The following KIAA2012 variants were observed in gnomAD, a reference collection of about 807,000 sequenced individuals.
KIAA2012 encodes the protein uncharacterized protein KIAA2012.
Under a neutral mutation model 150.6 loss-of-function variants are expected in KIAA2012, and 125 were observed. The observed-to-expected ratio is 0.83, with a 90% confidence interval of 0.72 to 0.96. The LOEUF (loss-of-function observed/expected upper bound fraction) is 0.96, where lower values mean the gene tolerates loss of function less well. Ranked by LOEUF, KIAA2012 falls within the 40% of genes least tolerant of loss-of-function variation. The pLI, the probability that KIAA2012 is intolerant of heterozygous loss-of-function variation, is 0.00. For missense variants in KIAA2012, 1,219 were observed against 1,354.9 expected, an observed-to-expected ratio of 0.90 and a Z score of 1.57; for synonymous variants, 462 against 504.7, an observed-to-expected ratio of 0.92 and a Z score of 1.13.
chr2:202,137,277 A>G (rs1245038074), intron 12 of KIAA2012: 1 of 150,892 alleles, frequency 6.6e-6, no homozygotes, highest in Admixed American at 6.6e-5. Flanking sequence ...AGCTAAATCT[A>G]TTCCTCAAAT....
At chr2:202,091,440 C>T (rs374268360) in intron 3 of KIAA2012, among the ~76,000 whole-genome samples, 3 of 152,168 alleles carry the variant, frequency 2.0e-5, no homozygotes, top group Admixed American at 6.5e-5. Flanking sequence ...AATGTTACGA[C>T]TCTTCCTCTT....
At chr2:202,092,281 C>T (rs943618255) in intron 3 of KIAA2012, among the ~76,000 whole-genome samples, 5 of 152,186 alleles carry the variant, frequency 3.3e-5, no homozygotes, top group African/African-American at 1.2e-4. Flanking sequence ...CTGGTGTAAG[C>T]CCATCAGTCC....
intron 2 of KIAA2012, among the ~76,000 whole-genome samples, chr2:202,077,609 A>G (rs1689354831): frequency 6.6e-6 from 1 of 152,194 alleles, no homozygotes; most frequent in Non-Finnish European, 1.5e-5. Flanking sequence ...ACAGGGCTGG[A>G]GTTTAAGATT....
At chr2:202,199,418 G>A (rs1254543914) in intron 22 of KIAA2012, among the ~76,000 whole-genome samples, 1 of 152,008 alleles carries the variant, frequency 6.6e-6, no homozygotes, top group African/African-American at 2.4e-5. Flanking sequence ...GTACAGCCAC[G>A]GGCCACCATG....
intron 20 of KIAA2012, among the ~76,000 whole-genome samples, chr2:202,193,963 G>C (rs1485388511): frequency 6.6e-6 from 1 of 152,226 alleles, no homozygotes; most frequent in East Asian, 1.9e-4. Context: ...CCCTGCTGCA[G>C]AGCACAGAGC....
intron 21 of KIAA2012, among the ~76,000 whole-genome samples, chr2:202,196,158 A>C (rs1692408260): frequency 6.8e-6 from 1 of 146,872 alleles, no homozygotes; most frequent in African/African-American, 2.5e-5. Flanking sequence ...CCAGCTGAGG[A>C]AGCACCAAGT....
At position 202,154,796 on chromosome 2, in the gene KIAA2012, A is replaced by T; in HGVS notation, c.2032A>T (p.Thr678Ser). 2 of 1,546,988 alleles carry T rather than the reference A, an allele frequency of 1.3e-6. No homozygotes were observed. Among genetic ancestry groups the T allele is most frequent in the Non-Finnish European group, 1.7e-6 (2 of 1,146,158 alleles). ...CACGCGCAAGCTGCACATCGACATG[A>T]CGCCGTTCCTGAAGGTGATCTCACA... ...FYTRKLHIDM[T>S]PFLKESGNAL... Residue 678 changes from threonine (T) to serine (S), a missense_variant, in exon 14 of 24, where the codon ACG becomes TCG. Transcript: ENST00000498697.
intron 18 of KIAA2012, among the ~76,000 whole-genome samples, chr2:202,189,157 A>T (rs532351046): frequency 1.3e-5 from 2 of 152,154 alleles, no homozygotes; most frequent in Non-Finnish European, 2.9e-5. Flanking sequence ...GGGTCCTTAG[A>T]GTACGGAAGG....
intron 11 of KIAA2012, among the ~76,000 whole-genome samples, chr2:202,120,874 T>C (rs1469413731): frequency 1.3e-5 from 2 of 152,198 alleles, no homozygotes. Context: ...ATAAAAGGAA[T>C]AATGGAAGAA....
Position 202,100,399 on chromosome 2 carries a change from T to C in KIAA2012, c.1105T>C (p.Ser369Pro). Residue 369 changes from serine to proline, a missense_variant, in exon 7 of 24, where the codon TCT becomes CCT. Transcript: ENST00000498697. The stretch of plus-strand genomic sequence containing the variant: ...AAGAAGCCTCTTCCCTCCTGTAGCA[T>C]CTGCCACTGGCTCCAGAATAATCAC... ...AERSLFPPVA[S>P]ATGSRIITPG... 1 of 1,550,580 alleles carries C rather than the reference T, an allele frequency of 6.4e-7. No homozygotes were observed. The highest frequency in any genetic ancestry group is 1.2e-5 in the South Asian group (1 of 84,056).
chr2:202,174,267 G>C (rs77269621), intron 15 of KIAA2012, among the ~76,000 whole-genome samples: 7,168 of 152,196 alleles, frequency 0.047, 567 homozygotes, highest in African/African-American at 0.16. Context: ...GCCTGGCCAA[G>C]AAGCATTCTC....
At chr2:202,188,342 C>A in intron 18 of KIAA2012, 76 bp downstream of exon 18, 2 of 1,160,760 alleles carry the variant, frequency 1.7e-6, no homozygotes, top group Non-Finnish European at 2.5e-6. Flanking sequence ...GGATAATTAG[C>A]ATGGATCCTA....
intron 12 of KIAA2012, chr2:202,137,324 T>G (rs1385223884): frequency 6.6e-6 from 1 of 150,546 alleles, no homozygotes; most frequent in East Asian, 2.0e-4. Flanking sequence ...ACTTTTTTTT[T>G]TTTTTTTTTT....
At chr2:202,153,300 G>C (rs923307361) in intron 13 of KIAA2012, among the ~76,000 whole-genome samples, 5 of 152,148 alleles carry the variant, frequency 3.3e-5, no homozygotes, top group African/African-American at 1.2e-4. Context: ...AGCAATCATT[G>C]TGGTCAATGG....
intron 15 of KIAA2012, among the ~76,000 whole-genome samples, chr2:202,171,739 A>G (rs1363498958): frequency 6.6e-6 from 1 of 152,144 alleles, no homozygotes; most frequent in East Asian, 1.9e-4. Flanking sequence ...GAGGCAGGCA[A>G]ACCCCTGGAG....
chr2:202,117,699 A>G (rs1431297658), intron 11 of KIAA2012, among the ~76,000 whole-genome samples: 2 of 152,218 alleles, frequency 1.3e-5, no homozygotes, highest in African/African-American at 4.8e-5. Flanking sequence ...GTCGAACTCC[A>G]ATTCCTCAGA....
chr2:202,152,072 C>T (rs913054306), intron 13 of KIAA2012, among the ~76,000 whole-genome samples: 3 of 152,130 alleles, frequency 2.0e-5, no homozygotes, highest in Admixed American at 6.6e-5. Context: ...ACCTAGCATG[C>T]GACTTTCTTT....
intron 10 of KIAA2012, among the ~76,000 whole-genome samples, chr2:202,110,723 A>C (rs942850243): frequency 2.0e-5 from 3 of 152,184 alleles, no homozygotes; most frequent in African/African-American, 7.2e-5. Flanking sequence ...CTTTCATTTC[A>C]TGCTCACTCA....
chr2:202,099,880 A>C, intron 6 of KIAA2012, 84 bp downstream of exon 6: 5 of 1,186,254 alleles, frequency 4.2e-6, no homozygotes, highest in Non-Finnish European at 4.6e-6. Context: ...CATGCCAAAC[A>C]TCACTTCCTT....
Sources: allele counts gnomAD v4.1 joint callset (sites outside exome capture counted in the v4.1 genomes callset), GRCh38; gene constraint gnomAD v4.1.1; transcripts MANE v1.5; gene names NCBI Gene and HGNC (gene_info 2026-07-23, HGNC 2026-07-21).